The following C8orf34 variants were observed in gnomAD, a reference collection of about 807,000 sequenced individuals.
C8orf34 encodes the protein uncharacterized protein C8orf34.
A neutral mutation model predicts 68.3 loss-of-function variants in C8orf34; 65 were observed. The observed-to-expected ratio is 0.95, with a 90% CI of 0.78 to 1.17. The LOEUF (loss-of-function observed/expected upper bound fraction) is 1.17, where lower values mean the gene tolerates loss of function less well. C8orf34 is among the 50% of genes most tolerant of loss of function. The pLI, the probability that C8orf34 is intolerant of heterozygous loss-of-function variation, is 0.00. For missense variants in C8orf34, 664 were observed against 655.4 expected, an observed-to-expected ratio of 1.01 and a Z score of -0.14; for synonymous variants, 244 against 241.2, an observed-to-expected ratio of 1.01 and a Z score of -0.11.
At chr8:68,520,511 C>T (rs992310597) in intron 5 of C8orf34, among the ~76,000 whole-genome samples, 2 of 152,030 alleles carry the variant, frequency 1.3e-5, no homozygotes, top group African/African-American at 4.8e-5. Context: ...AGTGCAGTGG[C>T]ACGATCTCGG....
At chr8:68,753,802 G>A (rs985792074) in intron 10 of C8orf34, among the ~76,000 whole-genome samples, 2 of 152,172 alleles carry the variant, frequency 1.3e-5, no homozygotes, top group African/African-American at 4.8e-5. Flanking sequence ...GAATTCTGAT[G>A]TGTGAATAAC....
At chr8:68,738,346 T>C (rs776576486) in intron 10 of C8orf34, among the ~76,000 whole-genome samples, 6 of 151,958 alleles carry the variant, frequency 3.9e-5, no homozygotes, top group African/African-American at 9.7e-5. Context: ...ATTGAAAAGT[T>C]AGAAAGATCT....
rs1437662640 is a variant in C8orf34, at chr8:68,536,144, G to A, written c.1105+2995G>A. Among the ~76,000 whole-genome samples, 5 of 151,958 alleles carry A rather than the reference G, an allele frequency of 3.3e-5. No individual in the cohort carries two copies. The East Asian group carries it at 9.7e-4, about 29-fold the overall frequency. On this transcript the variant is annotated intron_variant, in intron 7 of 13. Transcript: ENST00000518698. ...GCCTGTAATACCAGCACTTTGGGAG[G>A]CTGAGGTGGGTGGATTGCTTGAGCC...
chr8:68,548,694 T>C (rs1474881611), intron 7 of C8orf34, among the ~76,000 whole-genome samples: 1 of 151,826 alleles, frequency 6.6e-6, no homozygotes, highest in Non-Finnish European at 1.5e-5. Flanking sequence ...CAAAAGGTGA[T>C]AAAATATATG....
intron 8 of C8orf34, among the ~76,000 whole-genome samples, chr8:68,673,036 A>G (rs2130847906): frequency 6.6e-6 from 1 of 152,256 alleles, no homozygotes; most frequent in South Asian, 2.1e-4. Context: ...GAGAGAACTC[A>G]CTGCCTTGAA....
At chr8:68,651,773 G>A (rs1003450653) in intron 8 of C8orf34, among the ~76,000 whole-genome samples, 1 of 152,162 alleles carries the variant, frequency 6.6e-6, no homozygotes, top group Non-Finnish European at 1.5e-5. Flanking sequence ...TGGCGAGGGT[G>A]AGGGATGAAA....
chr8:68,619,974 A>G (rs1014011427), intron 7 of C8orf34, among the ~76,000 whole-genome samples: 1 of 152,206 alleles, frequency 6.6e-6, no homozygotes, highest in African/African-American at 2.4e-5. Context: ...AGAAATAGTC[A>G]GAGTGAAGAG....
intron 7 of C8orf34, among the ~76,000 whole-genome samples, chr8:68,613,756 G>T (rs1428809116): frequency 6.6e-6 from 1 of 151,968 alleles, no homozygotes; most frequent in Admixed American, 6.6e-5. Context: ...ATATACATGT[G>T]CATGTGTCTT....
intron 1 of C8orf34, among the ~76,000 whole-genome samples, chr8:68,372,935 G>A (rs2129619840): frequency 6.6e-6 from 1 of 152,326 alleles, no homozygotes; most frequent in Non-Finnish European, 1.5e-5. Context: ...TCCTTGCAAA[G>A]CACAGCATAG....
At chr8:68,366,696 T>C (rs1315363460) in intron 1 of C8orf34, among the ~76,000 whole-genome samples, 1 of 145,056 alleles carries the variant, frequency 6.9e-6, no homozygotes, top group African/African-American at 2.6e-5. Context: ...GCTAGCCATA[T>C]GTAGAAAGCT....
intron 12 of C8orf34, among the ~76,000 whole-genome samples, chr8:68,809,480 T>C (rs1160373764): frequency 2.8e-5 from 4 of 143,698 alleles, no homozygotes; most frequent in African/African-American, 1.1e-4. Context: ...TCTCCCAAGC[T>C]GGAGGAAAGG....
intron 11 of C8orf34, among the ~76,000 whole-genome samples, chr8:68,778,418 T>A (rs1249209659): frequency 6.6e-6 from 1 of 152,154 alleles, no homozygotes; most frequent in Non-Finnish European, 1.5e-5. Flanking sequence ...TCTTTGCAGA[T>A]CAAATGCTCT....
chr8:68,654,761 A>C (rs1819465676), intron 8 of C8orf34, among the ~76,000 whole-genome samples: 1 of 152,208 alleles, frequency 6.6e-6, no homozygotes, highest in African/African-American at 2.4e-5. Context: ...TAAATAACAA[A>C]GAACAAAACA....
At chr8:68,534,066 G>A (rs900462240) in intron 7 of C8orf34, 9 of 983,490 alleles carry the variant, frequency 9.2e-6, no homozygotes. Flanking sequence ...TGTTAAAAAT[G>A]AGATTCCTTG....
In C8orf34 at chr8:68,621,891, A is replaced by T. The variant is rs74889456; in HGVS notation, c.1106-18485A>T. Among the ~76,000 whole-genome samples, 751 of 152,334 alleles carry T rather than the reference A, an allele frequency of 4.9e-3. 6 individuals carry two copies. The highest frequency in any genetic ancestry group is 0.024 in the Middle Eastern group (7 of 294). The stretch of plus-strand genomic sequence containing the variant: ...GATCATATACTTAGCAGCTTAAAAC[A>T]ACACCCATTTATTATCCCACAGTGT... On this transcript the variant is annotated intron_variant, in intron 7 of 13. Transcript: ENST00000518698.
At chr8:68,351,089 G>A (rs1189463569) in intron 1 of C8orf34, among the ~76,000 whole-genome samples, 2 of 151,944 alleles carry the variant, frequency 1.3e-5, no homozygotes, top group African/African-American at 4.8e-5. Context: ...TTTTATATTA[G>A]CTGGTAGCAG....
intron 5 of C8orf34, among the ~76,000 whole-genome samples, chr8:68,500,043 G>A (rs1394469036): frequency 6.6e-6 from 1 of 152,120 alleles, no homozygotes; most frequent in East Asian, 1.9e-4. Context: ...ATGTGAAATG[G>A]TGGCTCTGCA....
At chr8:68,769,548 A>G (rs1050091316) in intron 10 of C8orf34, among the ~76,000 whole-genome samples, 6 of 152,154 alleles carry the variant, frequency 3.9e-5, no homozygotes, top group Admixed American at 3.9e-4. Context: ...AGTTATAATC[A>G]ATAATTACTT....
At chr8:68,813,370 T>G (rs1296489643) in intron 12 of C8orf34, among the ~76,000 whole-genome samples, 1 of 123,512 alleles carries the variant, frequency 8.1e-6, no homozygotes, top group South Asian at 2.5e-4. Flanking sequence ...GATAATTCTG[T>G]TTTTTTTTTT....
Sources: allele counts gnomAD v4.1 joint callset (sites outside exome capture counted in the v4.1 genomes callset), GRCh38; gene constraint gnomAD v4.1.1; transcripts MANE v1.5; gene names NCBI Gene and HGNC (gene_info 2026-07-23, HGNC 2026-07-21).